TMEM182: variants seen among roughly 807,000 people sequenced by gnomAD.
TMEM182 encodes transmembrane protein 182.
In TMEM182, 20 loss-of-function variants were observed where a neutral mutation model predicts 26.8. That is an observed-to-expected ratio of 0.75 (90% CI 0.53 to 1.09). The LOEUF is 1.09. Ranked by LOEUF, TMEM182 falls within the 50% of genes least tolerant of loss-of-function variation. TMEM182 has a pLI of 0.00. For synonymous variants in TMEM182, 109 were observed against 102.2 expected, an observed-to-expected ratio of 1.07 and a Z score of -0.40; for missense variants, 277 against 275.5, an observed-to-expected ratio of 1.01 and a Z score of -0.04.
chr2:102,762,766 T>C (rs1680268634), intron 2 of TMEM182, 80 bp downstream of exon 2: 2 of 1,174,354 alleles, frequency 1.7e-6, no homozygotes, highest in Non-Finnish European at 2.4e-6. Context: ...ATGTCACTTC[T>C]AGCGGACTGG....
chr2:102,842,380 C>T lies in TMEM182; in HGVS notation c.326-1032C>T, dbSNP rs372426918. Among the ~76,000 whole-genome samples the T allele has an allele frequency of 6.6e-5, 10 of 152,274 alleles. No individual in the cohort carries two copies. The East Asian group carries it at 7.7e-4, about 12-fold the overall frequency. ...AAACAGATCCTTGAACTTGCAGTGC[C>T]GTTTCCAATGTTGCACTATCTTCTG... is the stretch of plus-strand genomic sequence containing the variant. On this transcript the variant is annotated intron_variant, in intron 3 of 3. Transcript: ENST00000486293.
At position 102,817,677 on chromosome 2, in the gene TMEM182, G is replaced by T. The variant is rs1367205228; in HGVS notation, c.*2709G>T. 2 of 983,426 alleles carry T rather than the reference G, an allele frequency of 2.0e-6. No homozygotes were observed. Among genetic ancestry groups the T allele is most frequent in the Non-Finnish European group, 1.2e-6 (1 of 828,302 alleles). 60.9% of individuals were successfully genotyped at this position (983,426 alleles called of 1,614,324 possible). A position where few individuals can be genotyped will look rare whatever the true frequency, so the allele number is the denominator to read the frequency against. ...GGAATTATAAAGGAATATATTGGAG[G>T]AAGTGTCAGTGTTGGTAATTATTCA... On this transcript the variant is annotated 3_prime_UTR_variant, in exon 5 of 5. Coordinates refer to ENST00000412401, the MANE Select transcript of TMEM182 (RefSeq NM_144632.5).
intron 4 of TMEM182, among the ~76,000 whole-genome samples, chr2:102,798,640 A>G (rs1681982707): frequency 6.6e-6 from 1 of 152,124 alleles, no homozygotes; most frequent in East Asian, 1.9e-4. Context: ...GGAGTTTGAG[A>G]ACAGCCTGGC....
chr2:102,824,453 A>G lies in TMEM182; in HGVS notation c.326-18959A>G, dbSNP rs1019015695. On this transcript the variant is annotated intron_variant, in intron 3 of 3. Transcript: ENST00000486293. ...CCTCTTTGCTGTTCTCATGATAGTGAGTTCTCTCAAGATTTGGTTGTTTAA... is the reference window on the plus strand; with the variant it reads ...CCTCTTTGCTGTTCTCATGATAGTGGGTTCTCTCAAGATTTGGTTGTTTAA... Among the ~76,000 whole-genome samples, 4 of 152,012 alleles carry G rather than the reference A, an allele frequency of 2.6e-5. No homozygotes were observed. In the East Asian group the frequency reaches 5.8e-4, roughly 22 times the overall value.
intron 3 of TMEM182, among the ~76,000 whole-genome samples, chr2:102,780,885 C>G (rs1224071209): frequency 6.6e-6 from 1 of 152,130 alleles, no homozygotes; most frequent in African/African-American, 2.4e-5. Flanking sequence ...TTTACCTGGT[C>G]CTTTGGATGG....
At position 102,797,859 on chromosome 2, in the gene TMEM182, C is replaced by T. The variant is rs1681937825; in HGVS notation, c.332-4C>T. On this transcript the variant is annotated splice_polypyrimidine_tract_variant and splice_region_variant and intron_variant, in intron 3 of 4. Coordinates refer to ENST00000412401, the MANE Select transcript of TMEM182 (RefSeq NM_144632.5). ...CTTTTCTCTTTTCCTCCTGGGGTCT[C>T]CAGTTTACCGTGGTTTCTGGGCAGT... is the stretch of plus-strand genomic sequence containing the variant. The T allele has an allele frequency of 6.2e-7, 1 of 1,607,918 alleles. No homozygotes were observed.
chr2:102,834,140 G>C (rs1683198206), intron 3 of TMEM182, among the ~76,000 whole-genome samples: 2 of 152,158 alleles, frequency 1.3e-5, no homozygotes, highest in Non-Finnish European at 2.9e-5. Context: ...TAATTTCCCT[G>C]CTCTACGAAG....
intron 3 of TMEM182, among the ~76,000 whole-genome samples, chr2:102,765,532 G>A (rs1680396992): frequency 6.6e-6 from 1 of 152,092 alleles, no homozygotes; most frequent in Non-Finnish European, 1.5e-5. Context: ...CCAACAACTT[G>A]GCACCATAAT....
At chr2:102,819,686 A>G (rs905307572), downstream of TMEM182, among the ~76,000 whole-genome samples, 2 of 152,232 alleles carry the variant, frequency 1.3e-5, no homozygotes, top group African/African-American at 4.8e-5. Flanking sequence ...AAGTGTATAC[A>G]TGAACGCGTA....
At chr2:102,795,535 A>G (rs909942293) in intron 3 of TMEM182, among the ~76,000 whole-genome samples, 4 of 152,028 alleles carry the variant, frequency 2.6e-5, no homozygotes, top group African/African-American at 7.2e-5. Flanking sequence ...TTCAAAGTCT[A>G]TGTGATGCTG....
At position 102,816,496 on chromosome 2, in the gene TMEM182, A is replaced by G. The variant is rs1682754904; in HGVS notation, c.*1528A>G. ...AGGTCTGAATCTTCAGGGCATTTTC[A>G]TGACAGGACTTGCCAATAATAATAA... On this transcript the variant is annotated 3_prime_UTR_variant, in exon 5 of 5. Coordinates refer to ENST00000412401, the MANE Select transcript of TMEM182 (RefSeq NM_144632.5). The G allele has an allele frequency of 6.1e-6, 6 of 975,792 alleles. No homozygotes were observed. The highest frequency in any genetic ancestry group is 1.8e-5 in the African/African-American group (1 of 55,080). The allele number at this position is 975,792 out of a possible 1,614,324, so 60.4% of individuals were successfully genotyped here. A position where few individuals can be genotyped will look rare whatever the true frequency, so the allele number is the denominator to read the frequency against.
intron 4 of TMEM182, among the ~76,000 whole-genome samples, chr2:102,803,178 C>T (rs1284064962): frequency 6.6e-6 from 1 of 152,202 alleles, no homozygotes; most frequent in Non-Finnish European, 1.5e-5. Flanking sequence ...CCTGCATGTG[C>T]CTGCTTGCTC....
intron 1 of TMEM182, among the ~76,000 whole-genome samples, chr2:102,753,020 A>G (rs572225228): frequency 7.2e-5 from 11 of 152,250 alleles, no homozygotes; most frequent in South Asian, 4.1e-4. Context: ...TTTAAAATGT[A>G]TATTTGTTTA....
rs1292348207 is a variant in TMEM182 at position 102,797,994 on chromosome 2, G to T, written c.463G>T (p.Ala155Ser). The T allele has an allele frequency of 1.2e-6, 2 of 1,613,742 alleles. No individual in the cohort carries two copies. The highest frequency in any genetic ancestry group is 1.7e-6 in the Non-Finnish European group (2 of 1,179,930). ...LYKAGGGSYI[A>S]AGILFSLVVM... ...CAAAGCTGGGGGAGGCTCATATATT[G>T]CTGCAGGTACGTACGGTGCAATGGG... Residue 155 changes from alanine (A) to serine (S), a missense_variant, in exon 4 of 5, where the codon GCT becomes TCT. Physicochemically the swap from Ala to Ser is moderately conservative, Grantham distance 99. Transcript: ENST00000412401.
intron 3 of TMEM182, among the ~76,000 whole-genome samples, chr2:102,786,210 G>GGT (rs1553440490): frequency 2.7e-3 from 250 of 91,778 alleles, no homozygotes; most frequent in African/African-American, 0.011. Context: ...TCAGCAATCT[G>GGT]TTTTTTTTTT....
chr2:102,747,012 G>A (rs976520914), intron 1 of TMEM182, among the ~76,000 whole-genome samples: 4 of 152,194 alleles, frequency 2.6e-5, no homozygotes, highest in African/African-American at 9.7e-5. Context: ...AAATTACTTA[G>A]ACTTTAAATG....
At chr2:102,780,597 G>A (rs1023438979) in intron 3 of TMEM182, among the ~76,000 whole-genome samples, 4 of 152,164 alleles carry the variant, frequency 2.6e-5, no homozygotes, top group African/African-American at 9.7e-5. Flanking sequence ...AGAAGTAGAA[G>A]TCTTAGCACC....
Position 102,764,331 on chromosome 2 carries a change from A to G in TMEM182, c.235A>G (p.Asn79Asp). The change falls in exon 3 of 5, where the codon AAT (asparagine) becomes GAT (aspartate). Residue 79 changes from asparagine to aspartate, a missense_variant and splice_region_variant. Coordinates refer to ENST00000412401, the MANE Select transcript of TMEM182 (RefSeq NM_144632.5). Reference protein sequence around the residue: ...DSNIWKFWYTNQPPSKNCTHA... With the variant: ...DSNIWKFWYTDQPPSKNCTHA... ...CATTGTTTTGCTGTTCTTCCTAGCC[A>G]ATCAGCCACCGTCCAAGAACTGCAC... 1 of 1,613,750 alleles carries G rather than the reference A, an allele frequency of 6.2e-7. No homozygotes were observed. The highest frequency in any genetic ancestry group is 1.1e-5 in the South Asian group (1 of 91,068).
At chr2:102,799,313 TTTC>T (rs1213534286) in intron 4 of TMEM182, among the ~76,000 whole-genome samples, 4 of 152,224 alleles carry the variant, frequency 2.6e-5, no homozygotes, top group Non-Finnish European at 5.9e-5. Context: ...AACACAATAC[TTTC>T]TGCATAAGAT....
Sources: allele counts gnomAD v4.1 joint callset (sites outside exome capture counted in the v4.1 genomes callset), GRCh38; gene constraint gnomAD v4.1.1; transcripts MANE v1.5; gene names NCBI Gene and HGNC (gene_info 2026-07-23, HGNC 2026-07-21).